The following C12orf76 variants were observed in gnomAD, a reference collection of about 807,000 sequenced individuals.
C12orf76 encodes the protein chromosome 12 open reading frame 76, also known as uncharacterized protein C12orf76.
C12orf76 carries 6 observed loss-of-function variants against 6.8 expected under a neutral mutation model. The observed-to-expected ratio is 0.88, with a 90% CI of 0.48 to 1.73. The LOEUF is 1.73. C12orf76 is among the 40% of genes most tolerant of loss of function. The pLI is 0.01. For missense variants in C12orf76, 99 were observed against 98.2 expected, an observed-to-expected ratio of 1.01 and a Z score of -0.03; for synonymous variants, 56 against 43.7, an observed-to-expected ratio of 1.28 and a Z score of -1.11.
At chr12:110,062,630 T>A (rs1481153692) in intron 2 of C12orf76, among the ~76,000 whole-genome samples, 1 of 151,566 alleles carries the variant, frequency 6.6e-6, no homozygotes, top group Admixed American at 6.6e-5. Context: ...GAGATTTTTT[T>A]TTTTTTTGAG....
upstream of C12orf76, among the ~76,000 whole-genome samples, chr12:110,053,955 G>A (rs910998112): frequency 2.0e-5 from 3 of 152,090 alleles, no homozygotes; most frequent in South Asian, 2.1e-4. Context: ...GTGGTGGCAC[G>A]AGCCTGTAGA....
At chr12:110,055,981 G>A (rs921262502) in intron 4 of C12orf76, among the ~76,000 whole-genome samples, 1 of 151,638 alleles carries the variant, frequency 6.6e-6, no homozygotes, top group Non-Finnish European at 1.5e-5. Context: ...GCTGAGGCAG[G>A]AAAATCGTTT....
Position 110,048,473 on chromosome 12 carries a change from C to T in C12orf76, c.23G>A (p.Trp8Ter), listed in dbSNP as rs1191508483. ...GAGGCTGCAGAGGCCAAGGTACAGC[C>T]ACGGTAACGCTGGACGCAGCATCTT... MLRPALP[W>*]LYLGLCSLLV... Residue 8 changes from tryptophan (W) to a stop codon, truncating the protein, a stop_gained, in exon 1 of 2, where the codon TGG becomes TAG. Coordinates refer to ENST00000615315, the MANE Select transcript of C12orf76 (RefSeq NM_001389625.1). LOFTEE classifies it high-confidence loss of function. The T allele has an allele frequency of 6.8e-7, 1 of 1,462,360 alleles. No individual in the cohort carries two copies. The highest frequency in any genetic ancestry group is 2.8e-5 in the East Asian group (1 of 35,630). The allele number at this position is 1,462,360 out of a possible 1,614,324, so 90.6% of individuals were successfully genotyped here.
In C12orf76 at chr12:110,048,442, C is replaced by G. The variant is rs778767477; in HGVS notation, c.54G>C (p.Val18=). Residue 18 remains valine (V), a synonymous_variant, in exon 1 of 2, where the codon GTG becomes GTC. Coordinates refer to ENST00000615315, the MANE Select transcript of C12orf76 (RefSeq NM_001389625.1). Reference sequence around the variant, plus strand: ...CGGGGCTCGGGGCCTCTGCCTCCCCCACCAGGAGGCTGCAGAGGCCAAGGT... The same window carrying G: ...CGGGGCTCGGGGCCTCTGCCTCCCCGACCAGGAGGCTGCAGAGGCCAAGGT... ...WLYLGLCSLL[V]GEAEAPSPVD... 16 of 1,506,844 alleles carry G rather than the reference C, an allele frequency of 1.1e-5. No individual in the cohort carries two copies. The South Asian group carries it at 1.8e-4, about 17-fold the overall frequency. 93.3% of individuals were successfully genotyped at this position (1,506,844 alleles called of 1,614,324 possible).
chr12:110,071,444 A>G (rs1892958885), upstream of C12orf76, among the ~76,000 whole-genome samples: 1 of 151,808 alleles, frequency 6.6e-6, no homozygotes, highest in South Asian at 2.1e-4. Context: ...GATTATTTTA[A>G]AAAATGGATT....
At chr12:110,064,046 T>C (rs1339888306) in intron 2 of C12orf76, among the ~76,000 whole-genome samples, 2 of 152,162 alleles carry the variant, frequency 1.3e-5, no homozygotes, top group African/African-American at 2.4e-5. Flanking sequence ...TCCACCGCTG[T>C]GTAACAAATA....
chr12:110,058,484 C>T (rs1338662700), intron 3 of C12orf76, among the ~76,000 whole-genome samples: 1 of 152,022 alleles, frequency 6.6e-6, no homozygotes, highest in Non-Finnish European at 1.5e-5. Context: ...GCCAACATGG[C>T]GGAAACCCTG....
At chr12:110,058,205 G>A (rs1046358179) in intron 3 of C12orf76, among the ~76,000 whole-genome samples, 4 of 151,686 alleles carry the variant, frequency 2.6e-5, no homozygotes, top group African/African-American at 9.7e-5. Context: ...TGTTACAAAC[G>A]TGGCCACACT....
chr12:110,065,890 C>T (rs1308176167), exon 2 of C12orf76: 5 of 1,613,994 alleles, frequency 3.1e-6, no homozygotes, highest in Admixed American at 1.7e-5. Context: ...CCTTGCTGTT[C>T]CTCTTTTGTG....
chr12:110,060,534 A>G (rs1892752353), intron 2 of C12orf76, among the ~76,000 whole-genome samples: 1 of 152,044 alleles, frequency 6.6e-6, no homozygotes, highest in South Asian at 2.1e-4. Flanking sequence ...GCTTGCAGGA[A>G]TCCACCTTTG....
intron 3 of C12orf76, chr12:110,057,382 G>A: frequency 3.6e-6 from 3 of 838,256 alleles, no homozygotes; most frequent in Non-Finnish European, 6.0e-6. Flanking sequence ...GACTAACCCA[G>A]GGCCAACAGA....
chr12:110,068,332 G>GA (rs1566080359), upstream of C12orf76, among the ~76,000 whole-genome samples: 225 of 108,268 alleles, frequency 2.1e-3, 4 homozygotes, highest in Non-Finnish European at 2.1e-3. Flanking sequence ...GAAGAAGAAG[G>GA]CGGCCAAATA....
chr12:110,053,993 T>C (rs1892628326), upstream of C12orf76, among the ~76,000 whole-genome samples: 1 of 152,020 alleles, frequency 6.6e-6, no homozygotes. Flanking sequence ...GAGGATTGCT[T>C]GGGCCCAGGA....
intron 2 of C12orf76, among the ~76,000 whole-genome samples, chr12:110,061,347 G>A (rs1186892489): frequency 6.6e-6 from 1 of 151,790 alleles, no homozygotes; most frequent in East Asian, 1.9e-4. Flanking sequence ...CCATTCAGTT[G>A]CCAAATCCTA....
intron 2 of C12orf76, among the ~76,000 whole-genome samples, chr12:110,064,971 G>GA (rs1331914116): frequency 6.6e-6 from 1 of 152,098 alleles, no homozygotes; most frequent in Admixed American, 6.5e-5. Context: ...CCATTCATTT[G>GA]AAAAAACCAT....
At chr12:110,048,113 A>C (rs1892496669) in intron 1 of C12orf76, among the ~76,000 whole-genome samples, 1 of 152,170 alleles carries the variant, frequency 6.6e-6, no homozygotes, top group Non-Finnish European at 1.5e-5. Flanking sequence ...AGGCAGGAGA[A>C]TTGCTTGAAC....
chr12:110,055,167 G>C (rs1892646816), intron 4 of C12orf76, among the ~76,000 whole-genome samples: 1 of 151,880 alleles, frequency 6.6e-6, no homozygotes, highest in Non-Finnish European at 1.5e-5. Flanking sequence ...TGAGCTAAGA[G>C]GTAAGAGATC....
At chr12:110,055,588 C>T (rs1033220067) in intron 4 of C12orf76, among the ~76,000 whole-genome samples, 3 of 152,116 alleles carry the variant, frequency 2.0e-5, no homozygotes, top group African/African-American at 4.8e-5. Flanking sequence ...TTCATCAAGA[C>T]AGGGGAATTG....
upstream of C12orf76, among the ~76,000 whole-genome samples, chr12:110,053,265 G>A (rs1017751793): frequency 4.6e-5 from 7 of 151,532 alleles, no homozygotes; most frequent in Non-Finnish European, 5.9e-5. Flanking sequence ...TTGGGAGGCC[G>A]AGGTGGGTGG....
Sources: gnomAD v4.1 joint callset for allele counts (sites outside exome capture counted in the v4.1 genomes callset) on GRCh38, gnomAD v4.1.1 for gene constraint, MANE v1.5 for transcripts, NCBI Gene and HGNC (gene_info 2026-07-23, HGNC 2026-07-21) for gene names.